The following FRMD4A variants were observed in gnomAD, a reference collection of about 807,000 sequenced individuals.
The protein encoded by FRMD4A is FERM domain-containing protein 4A.
Under a neutral mutation model 129.1 loss-of-function variants are expected in FRMD4A, and 29 were observed. The observed-to-expected ratio is 0.22, with a 90% CI of 0.17 to 0.31. FRMD4A has a LOEUF of 0.31. Ranked by LOEUF, FRMD4A falls within the 10% of genes least tolerant of loss-of-function variation. The pLI is 1.00. For missense variants in FRMD4A, 1,272 were observed against 1,375.8 expected (o/e 0.92, Z 1.19); for synonymous variants, 634 against 571.6 (o/e 1.11, Z -1.56).
chr10:13,709,718 G>T (rs2087822442), intron 12 of FRMD4A, among the ~76,000 whole-genome samples: 3 of 152,214 alleles, frequency 2.0e-5, no homozygotes, highest in Non-Finnish European at 4.4e-5. Context: ...GCAAAGTGAA[G>T]TCTTGAACAG....
chr10:14,291,509 T>A (rs1330523456), intron 2 of FRMD4A, among the ~76,000 whole-genome samples: 2 of 152,098 alleles, frequency 1.3e-5, no homozygotes, highest in Non-Finnish European at 2.9e-5. Context: ...CTTAATAGAG[T>A]AATGTAATTT....
At chr10:13,804,912 T>C (rs2130857821) in intron 4 of FRMD4A, among the ~76,000 whole-genome samples, 1 of 152,136 alleles carries the variant, frequency 6.6e-6, no homozygotes, top group South Asian at 2.1e-4. Flanking sequence ...ACAGCACCAA[T>C]CAGGCAATTC....
At chr10:14,170,153 C>T (rs927573118) in intron 2 of FRMD4A, among the ~76,000 whole-genome samples, 4 of 152,160 alleles carry the variant, frequency 2.6e-5, no homozygotes, top group Non-Finnish European at 5.9e-5. Context: ...TTTATTCTTC[C>T]TTTTGATCCT....
chr10:14,095,549 T>C (rs1429603856), intron 2 of FRMD4A, among the ~76,000 whole-genome samples: 1 of 152,210 alleles, frequency 6.6e-6, no homozygotes, highest in Non-Finnish European at 1.5e-5. Context: ...TACTGCAGTT[T>C]GAATTATTTT....
chr10:13,862,165 A>C (rs914979452), intron 2 of FRMD4A, among the ~76,000 whole-genome samples: 1 of 152,182 alleles, frequency 6.6e-6, no homozygotes, highest in Non-Finnish European at 1.5e-5. Context: ...TAAGAAAGAA[A>C]TGCTGTTTGT....
At chr10:13,997,902 G>A (rs1213971947) in intron 2 of FRMD4A, among the ~76,000 whole-genome samples, 1 of 152,124 alleles carries the variant, frequency 6.6e-6, no homozygotes, top group East Asian at 1.9e-4. Flanking sequence ...CAGCCACTAA[G>A]CCCGGCCAAC....
intron 2 of FRMD4A, among the ~76,000 whole-genome samples, chr10:14,178,373 T>G (rs1217886777): frequency 3.3e-5 from 5 of 152,240 alleles, no homozygotes; most frequent in Admixed American, 3.3e-4. Context: ...AACATCCACT[T>G]CAAGCCAGGT....
intron 2 of FRMD4A, among the ~76,000 whole-genome samples, chr10:14,053,888 G>C (rs1054994720): frequency 1.3e-5 from 2 of 152,238 alleles, no homozygotes; most frequent in South Asian, 4.2e-4. Flanking sequence ...AGTGGATTGT[G>C]GTGGTACAGG....
chr10:14,161,152 C>T (rs1354118125), intron 2 of FRMD4A, among the ~76,000 whole-genome samples: 1 of 152,148 alleles, frequency 6.6e-6, no homozygotes, highest in African/African-American at 2.4e-5. Flanking sequence ...GACAGGGTTT[C>T]ACTGTGTTGG....
Position 13,968,112 on chromosome 10 carries a change from C to T in FRMD4A, c.46-109200G>A, listed in dbSNP as rs981468741. On this transcript the variant is annotated intron_variant, in intron 2 of 24. Coordinates refer to ENST00000357447, the MANE Select transcript of FRMD4A (RefSeq NM_018027.5). Reference sequence around the variant, plus strand: ...TGTGCAGAATGAGGCCCCTTCAGTTCAGTGGCTCCGGGTGGACTGCACATT... The same window carrying T: ...TGTGCAGAATGAGGCCCCTTCAGTTTAGTGGCTCCGGGTGGACTGCACATT... Among the ~76,000 whole-genome samples, 6 of 152,270 alleles carry T rather than the reference C, an allele frequency of 3.9e-5. No homozygotes were observed. In the East Asian group the frequency reaches 1.2e-3, roughly 29 times the overall value.
intron 2 of FRMD4A, among the ~76,000 whole-genome samples, chr10:14,174,534 G>GTTCA (rs3033997): frequency 0.42 from 63,131 of 150,314 alleles, 13,652 homozygotes; most frequent in East Asian, 0.49. Context: ...GCGTTTGTTC[G>GTTCA]TTCATTCATT....
chr10:14,307,381 T>C (rs942863110), intron 2 of FRMD4A, among the ~76,000 whole-genome samples: 2 of 152,200 alleles, frequency 1.3e-5, no homozygotes, highest in Non-Finnish European at 2.9e-5. Flanking sequence ...AAAAAGAGGA[T>C]GAGCGCATGA....
intron 2 of FRMD4A, among the ~76,000 whole-genome samples, chr10:13,991,651 C>G (rs916066511): frequency 1.1e-4 from 16 of 152,188 alleles, no homozygotes; most frequent in Admixed American, 5.9e-4. Flanking sequence ...ATTTTTGATA[C>G]ACCTGTTGGG....
chr10:13,784,694 T>C (rs1443422550), intron 5 of FRMD4A, among the ~76,000 whole-genome samples: 1 of 152,102 alleles, frequency 6.6e-6, no homozygotes, highest in Non-Finnish European at 1.5e-5. Context: ...GATAAAAGGA[T>C]TTATCCATAA....
At chr10:13,822,202 C>A (rs563693747) in intron 3 of FRMD4A, among the ~76,000 whole-genome samples, 2 of 152,158 alleles carry the variant, frequency 1.3e-5, no homozygotes, top group Non-Finnish European at 1.5e-5. Flanking sequence ...ATCATACTTA[C>A]GATTTTTGTA....
At chr10:14,059,574 T>G (rs986831484) in intron 2 of FRMD4A, among the ~76,000 whole-genome samples, 3 of 152,114 alleles carry the variant, frequency 2.0e-5, no homozygotes, top group Admixed American at 6.5e-5. Flanking sequence ...GGGAAGTGGG[T>G]AAGTGGGAAC....
At chr10:14,203,417 G>A (rs1462425974) in intron 2 of FRMD4A, among the ~76,000 whole-genome samples, 3 of 151,968 alleles carry the variant, frequency 2.0e-5, no homozygotes, top group Non-Finnish European at 4.4e-5. Flanking sequence ...CTCATGACAG[G>A]GCACATCCAA....
chr10:14,050,799 C>T (rs556281915), intron 2 of FRMD4A, among the ~76,000 whole-genome samples: 117 of 152,154 alleles, frequency 7.7e-4, no homozygotes, highest in Non-Finnish European at 9.4e-4. Flanking sequence ...AGGGGGTGTA[C>T]CCAGAAAGGG....
At chr10:14,219,708 G>A (rs1448216558) in intron 2 of FRMD4A, among the ~76,000 whole-genome samples, 1 of 152,132 alleles carries the variant, frequency 6.6e-6, no homozygotes, top group Non-Finnish European at 1.5e-5. Context: ...TTCAGAGAAG[G>A]GACTGGGGAA....
Sources: allele counts gnomAD v4.1 joint callset (sites outside exome capture counted in the v4.1 genomes callset), GRCh38; gene constraint gnomAD v4.1.1; transcripts MANE v1.5; gene names NCBI Gene and HGNC (gene_info 2026-07-23, HGNC 2026-07-21).